The following AGXT2 variants were observed in gnomAD, a reference collection of about 807,000 sequenced individuals.
AGXT2 encodes the protein alanine--glyoxylate aminotransferase 2, mitochondrial.
Under a neutral mutation model 62.5 loss-of-function variants are expected in AGXT2, and 61 were observed. The observed-to-expected ratio is 0.98, with a 90% CI of 0.79 to 1.21. The LOEUF (loss-of-function observed/expected upper bound fraction) is 1.21. Ranked by LOEUF, AGXT2 falls within the 50% of genes most tolerant of loss-of-function variation. The pLI is 0.00. For missense variants in AGXT2, 666 were observed against 641.5 expected, an observed-to-expected ratio of 1.04 and a Z score of -0.41; for synonymous variants, 243 against 218.7, an observed-to-expected ratio of 1.11 and a Z score of -0.98.
At chr5:35,046,106 T>G (rs1192049230) in intron 1 of AGXT2, among the ~76,000 whole-genome samples, 1 of 152,150 alleles carries the variant, frequency 6.6e-6, no homozygotes, top group African/African-American at 2.4e-5. Flanking sequence ...TGTAGTGTCC[T>G]TGCTGGGCCT....
intron 1 of AGXT2, among the ~76,000 whole-genome samples, chr5:35,041,989 A>C (rs563710247): frequency 6.6e-6 from 1 of 152,340 alleles, no homozygotes. Context: ...CCTTTTAAAA[A>C]GCTTTTCATT....
intron 1 of AGXT2, among the ~76,000 whole-genome samples, chr5:35,045,712 G>A (rs1419205256): frequency 6.6e-6 from 1 of 151,402 alleles, no homozygotes; most frequent in Admixed American, 6.6e-5. Flanking sequence ...AAGGCCAGGT[G>A]ATGAGGATAG....
chr5:35,036,082 G>A (rs12514089), intron 4 of AGXT2, among the ~76,000 whole-genome samples: 13 of 148,026 alleles, frequency 8.8e-5, no homozygotes, highest in Non-Finnish European at 4.5e-5. Flanking sequence ...GTCTCAAAAA[G>A]AAAAAAAAAA....
At chr5:35,024,139 TG>T (rs1244856914) in intron 9 of AGXT2, among the ~76,000 whole-genome samples, 6 of 152,128 alleles carry the variant, frequency 3.9e-5, no homozygotes, top group African/African-American at 1.4e-4. Context: ...GTGACCGGCC[TG>T]CCTCAGCATC....
intron 9 of AGXT2, among the ~76,000 whole-genome samples, chr5:35,020,798 C>T (rs917410727): frequency 1.1e-4 from 17 of 152,124 alleles, no homozygotes; most frequent in African/African-American, 2.6e-4. Flanking sequence ...TGTTTGCAGA[C>T]GACATGATTG....
chr5:35,035,979 A>T (rs550150881), intron 4 of AGXT2, among the ~76,000 whole-genome samples: 1 of 152,222 alleles, frequency 6.6e-6, no homozygotes, highest in African/African-American at 2.4e-5. Flanking sequence ...TGGGGGGCTG[A>T]GGCAGGAGAA....
intron 5 of AGXT2, among the ~76,000 whole-genome samples, chr5:35,034,066 G>T (rs2112268202): frequency 6.6e-6 from 1 of 152,180 alleles, no homozygotes. Context: ...CTAATCATCA[G>T]TGTAAGCTTC....
chr5:35,026,751 C>A (rs539222186), intron 7 of AGXT2, among the ~76,000 whole-genome samples: 44 of 152,290 alleles, frequency 2.9e-4, no homozygotes, highest in Non-Finnish European at 4.4e-4. Context: ...AAGGCATAAA[C>A]AAACCACTTC....
At chr5:35,014,470 A>AAAAG (rs1478806755) in intron 9 of AGXT2, among the ~76,000 whole-genome samples, 1 of 151,158 alleles carries the variant, frequency 6.6e-6, no homozygotes, top group Non-Finnish European at 1.5e-5. Context: ...AAAAAAAAAA[A>AAAAG]AAGAAATGCT....
At chr5:35,026,356 C>G in intron 8 of AGXT2, 54 bp downstream of exon 8, 1 of 1,448,534 alleles carries the variant, frequency 6.9e-7, no homozygotes. Context: ...TGAGTTAAAA[C>G]TTTCTGATAA....
At chr5:35,016,875 TG>T (rs375908036) in intron 9 of AGXT2, among the ~76,000 whole-genome samples, 31 of 152,172 alleles carry the variant, frequency 2.0e-4, no homozygotes, top group African/African-American at 7.5e-4. Flanking sequence ...CAACTGTCTT[TG>T]GAGATGAGAA....
chr5:35,031,540 G>C (rs1002351355), intron 7 of AGXT2, among the ~76,000 whole-genome samples: 1 of 152,256 alleles, frequency 6.6e-6, no homozygotes, highest in Middle Eastern at 3.4e-3. Flanking sequence ...ACTAAGGAGC[G>C]GCTATTAAAA....
intron 11 of AGXT2, chr5:35,012,632 C>A: frequency 2.9e-6 from 1 of 339,102 alleles, no homozygotes; most frequent in Non-Finnish European, 5.6e-6. Flanking sequence ...CAACATGAAA[C>A]TAAATACAAG....
intron 9 of AGXT2, among the ~76,000 whole-genome samples, chr5:35,021,254 C>T (rs570741520): frequency 1.5e-4 from 23 of 152,126 alleles, no homozygotes; most frequent in Non-Finnish European, 2.8e-4. Flanking sequence ...AAGAAGAGCC[C>T]GCTTCGCCAA....
chr5:35,017,150 C>T (rs1766872981), intron 9 of AGXT2, among the ~76,000 whole-genome samples: 1 of 152,058 alleles, frequency 6.6e-6, no homozygotes, highest in African/African-American at 2.4e-5. Context: ...CTGTTCCTTC[C>T]CTTTCTGCCA....
In AGXT2 at chr5:35,043,621, C is replaced by A. The variant is rs146904733; in HGVS notation, c.89-2958G>T. 2.7e-3 allele frequency among the ~76,000 whole-genome samples: 413 copies of A among 152,252 alleles called. 1 individual carries two copies. The highest frequency in any genetic ancestry group is 9.5e-3 in the African/African-American group (396 of 41,542). On this transcript the variant is annotated intron_variant, in intron 1 of 13. Transcript: ENST00000231420. Reference sequence around the variant, plus strand: ...GAGCATGGCTTACTGTAGCCTCGGCCTCCCAGGCTCAAACAATTCTCCCAC... The same window carrying A: ...GAGCATGGCTTACTGTAGCCTCGGCATCCCAGGCTCAAACAATTCTCCCAC...
chr5:35,047,806 G>A lies in AGXT2; in HGVS notation c.87C>T (p.Ser29=). The part of the protein sequence containing the change: ...PRILEMHPFL[S]LGTSRTSVTK... Reference sequence around the variant, plus strand: ...CACGTCCCCCTGGTTTCCACTTACGGCTCAGGAAAGGATGCATCTCAAGGA... The same window carrying A: ...CACGTCCCCCTGGTTTCCACTTACGACTCAGGAAAGGATGCATCTCAAGGA... Residue 29 remains serine (S), a splice_region_variant and synonymous_variant, in exon 1 of 14, where the codon AGC becomes AGT. Coordinates refer to ENST00000231420, the MANE Select transcript of AGXT2 (RefSeq NM_031900.4). The A allele has an allele frequency of 1.2e-6, 2 of 1,613,962 alleles. No homozygotes were observed. The highest frequency in any genetic ancestry group is 1.1e-5 in the South Asian group (1 of 91,070).
At chr5:35,019,420 T>C (rs372620766) in intron 9 of AGXT2, among the ~76,000 whole-genome samples, 1 of 150,052 alleles carries the variant, frequency 6.7e-6, no homozygotes, top group Non-Finnish European at 1.5e-5. Context: ...ATTAAGAATC[T>C]CACTCAAAAC....
At position 35,010,028 on chromosome 5, in the gene AGXT2, A is replaced by G. The variant is rs1319893191; in HGVS notation, c.1310T>C (p.Met437Thr). ...ATCCTGCACCATTTCTATGCCTATC[A>G]TGAGACCTTTGCCTCGGACGTCTCC... ...IVGDVRGKGL[M>T]IGIEMVQDKI... The change falls in exon 12 of 14, where the codon ATG (methionine) becomes ACG (threonine). Residue 437 changes from methionine to threonine, a missense_variant. Coordinates refer to ENST00000231420, the MANE Select transcript of AGXT2 (RefSeq NM_031900.4). 8.1e-6 allele frequency: 13 copies of G among 1,614,118 alleles called. No individual in the cohort carries two copies. Among genetic ancestry groups the G allele is most frequent in the Admixed American group, 5.0e-5 (3 of 60,004 alleles).
Sources: allele counts gnomAD v4.1 joint callset (sites outside exome capture counted in the v4.1 genomes callset), GRCh38; gene constraint gnomAD v4.1.1; transcripts MANE v1.5; gene names NCBI Gene and HGNC (gene_info 2026-07-23, HGNC 2026-07-21).